CEP83: variants seen among roughly 807,000 people sequenced by gnomAD.
CEP83 encodes the protein centrosomal protein of 83 kDa.
In CEP83, 70 loss-of-function variants were observed where a neutral mutation model predicts 101.9. That is an observed-to-expected ratio of 0.69 (90% CI 0.57 to 0.84). The LOEUF is 0.84. Among genes scored for constraint, CEP83 ranks in the 40% least tolerant of loss-of-function variants. The pLI is 0.00. For missense variants in CEP83, 715 were observed against 787.2 expected, an observed-to-expected ratio of 0.91 and a Z score of 1.10; for synonymous variants, 264 against 267.9, an observed-to-expected ratio of 0.99 and a Z score of 0.14.
rs547511083 is a variant in CEP83, at chr12:94,370,334, T to C, written c.934-298A>G. Among the ~76,000 whole-genome samples, 551 of 152,322 alleles carry C rather than the reference T, an allele frequency of 3.6e-3. 1 individual carries two copies. Among genetic ancestry groups the C allele is most frequent in the Non-Finnish European group, 5.0e-3 (342 of 68,024 alleles). On this transcript the variant is annotated intron_variant, in intron 8 of 16. Transcript: ENST00000397809. ...GTATCTAAAATCAACTACTCAATGA[T>C]TGGAAAATCTGCAGGGGAAAAAACC...
chr12:94,343,176 T>G (rs1230205188), intron 11 of CEP83, among the ~76,000 whole-genome samples: 1 of 151,840 alleles, frequency 6.6e-6, no homozygotes, highest in Non-Finnish European at 1.5e-5. Flanking sequence ...TGTGTTTACG[T>G]AACACAATAA....
chr12:94,407,548 G>A (rs2063617534), intron 4 of CEP83, among the ~76,000 whole-genome samples: 2 of 152,146 alleles, frequency 1.3e-5, no homozygotes, highest in African/African-American at 4.8e-5. Flanking sequence ...CTCACCACTG[G>A]CCTGTGCAAT....
At chr12:94,389,997 A>C (rs540655218) in intron 6 of CEP83, among the ~76,000 whole-genome samples, 3 of 152,362 alleles carry the variant, frequency 2.0e-5, no homozygotes, top group South Asian at 4.1e-4. Flanking sequence ...ACTGCAGCTC[A>C]ACAGGACCTA....
intron 11 of CEP83, among the ~76,000 whole-genome samples, chr12:94,358,115 T>C (rs986327941): frequency 1.3e-5 from 2 of 152,188 alleles, no homozygotes; most frequent in Admixed American, 6.5e-5. Context: ...TTTAACATAG[T>C]TGAAGTTGGT....
intron 14 of CEP83, among the ~76,000 whole-genome samples, chr12:94,327,614 T>G (rs2059027519): frequency 6.6e-6 from 1 of 152,226 alleles, no homozygotes; most frequent in Non-Finnish European, 1.5e-5. Context: ...TCTACTCAAC[T>G]GACATTCTTC....
In CEP83 at chr12:94,393,215, G is replaced by A. The variant is rs376585827; in HGVS notation, c.549+7635C>T. 9.9e-5 allele frequency among the ~76,000 whole-genome samples: 15 copies of A among 152,042 alleles called. 1 individual carries two copies. The highest frequency in any genetic ancestry group is 4.2e-4 in the South Asian group (2 of 4,802). On this transcript the variant is annotated intron_variant, in intron 6 of 16. Coordinates refer to ENST00000397809, the MANE Select transcript of CEP83 (RefSeq NM_016122.3). ...CAATATCCCTGATGAACATTGATGC[G>A]AAAATCCTCAATAAAATACTGGCAA...
At chr12:94,406,898 G>A (rs1436511808) in intron 4 of CEP83, among the ~76,000 whole-genome samples, 1 of 150,618 alleles carries the variant, frequency 6.6e-6, no homozygotes, top group Non-Finnish European at 1.5e-5. Flanking sequence ...CTGCACTCCA[G>A]CCTGGGCGAC....
intron 6 of CEP83, among the ~76,000 whole-genome samples, chr12:94,382,643 G>A (rs1003724527): frequency 1.8e-4 from 27 of 151,644 alleles, no homozygotes; most frequent in Non-Finnish European, 4.0e-4. Flanking sequence ...ATTTCCAAGT[G>A]TTTGAAGATT....
chr12:94,267,381 A>G, the CEP83 span, among the ~76,000 whole-genome samples: 1 of 152,160 alleles, frequency 6.6e-6, no homozygotes, highest in African/African-American at 2.4e-5. Flanking sequence ...GTCAATTAAG[A>G]CCATGTGTTT....
At chr12:94,299,386 A>C in the CEP83 span, among the ~76,000 whole-genome samples, 1 of 152,120 alleles carries the variant, frequency 6.6e-6, no homozygotes, top group African/African-American at 2.4e-5. Context: ...TAAGACTCAG[A>C]GTTATGATGA....
chr12:94,332,296 G>T (rs1407563954), intron 13 of CEP83, among the ~76,000 whole-genome samples: 1 of 152,118 alleles, frequency 6.6e-6, no homozygotes, highest in Non-Finnish European at 1.5e-5. Context: ...AGAGTAAAAT[G>T]CATATAAATG....
chr12:94,419,742 AAGG>A (rs1319840511), intron 2 of CEP83, among the ~76,000 whole-genome samples: 1 of 152,156 alleles, frequency 6.6e-6, no homozygotes, highest in African/African-American at 2.4e-5. Flanking sequence ...GCTGAACCGT[AAGG>A]AGAAGAGAGT....
chr12:94,314,580 T>G (rs181684312), intron 14 of CEP83, among the ~76,000 whole-genome samples: 1 of 152,242 alleles, frequency 6.6e-6, no homozygotes, highest in South Asian at 2.1e-4. Context: ...CTTACGATTA[T>G]TGCATAACCT....
At chr12:94,334,078 C>T (rs980212012) in intron 12 of CEP83, among the ~76,000 whole-genome samples, 1 of 152,154 alleles carries the variant, frequency 6.6e-6, no homozygotes, top group Non-Finnish European at 1.5e-5. Flanking sequence ...TCCTCCTCTT[C>T]CCACATACCC....
At chr12:94,360,239 C>T (rs990915165) in intron 11 of CEP83, among the ~76,000 whole-genome samples, 2 of 152,024 alleles carry the variant, frequency 1.3e-5, no homozygotes, top group Non-Finnish European at 2.9e-5. Context: ...TCACCCTTGT[C>T]AATCTTATTC....
chr12:94,434,104 C>T (rs897740525), intron 2 of CEP83: 8 of 152,182 alleles, frequency 5.3e-5, no homozygotes, highest in African/African-American at 1.9e-4. Flanking sequence ...AAATGTCCAC[C>T]TGCTGCTACT....
chr12:94,433,510 G>A (rs1382932625), intron 2 of CEP83, among the ~76,000 whole-genome samples: 1 of 151,844 alleles, frequency 6.6e-6, no homozygotes, highest in Admixed American at 6.6e-5. Flanking sequence ...GTGAAAGCCT[G>A]TTTCTAAGAA....
At chr12:94,399,750 A>T (rs2063139913) in intron 6 of CEP83, among the ~76,000 whole-genome samples, 1 of 151,534 alleles carries the variant, frequency 6.6e-6, no homozygotes, top group Non-Finnish European at 1.5e-5. Context: ...AAAATAAGAC[A>T]GTCTAGCCCC....
intron 13 of CEP83, among the ~76,000 whole-genome samples, chr12:94,332,570 G>C (rs928215356): frequency 1.2e-4 from 19 of 152,078 alleles, no homozygotes; most frequent in Admixed American, 5.9e-4. Flanking sequence ...ACTTAAATTT[G>C]CTAGCTATAC....
Sources: gnomAD v4.1 joint callset for allele counts (sites outside exome capture counted in the v4.1 genomes callset) on GRCh38, gnomAD v4.1.1 for gene constraint, MANE v1.5 for transcripts, NCBI Gene and HGNC (gene_info 2026-07-23, HGNC 2026-07-21) for gene names.